DCAF8L2: variants seen among roughly 807,000 people sequenced by gnomAD.
The protein encoded by DCAF8L2 is DDB1- and CUL4-associated factor 8-like protein 2.
For synonymous variants in DCAF8L2, 200 were observed against 190.9 expected, an observed-to-expected ratio of 1.05 and a Z score of -0.39; for missense variants, 430 against 490.7, an observed-to-expected ratio of 0.88 and a Z score of 1.17.
intron 4 of DCAF8L2, among the ~76,000 whole-genome samples, chrX:27,739,088 G>C (rs976935599): frequency 9.1e-6 from 1 of 110,197 alleles, no homozygotes; most frequent in Non-Finnish European, 1.9e-5. Context: ...ATATGACATC[G>C]TGTGATAAAT....
the DCAF8L2 span, among the ~76,000 whole-genome samples, chrX:27,569,540 T>A: frequency 8.9e-6 from 1 of 112,344 alleles, no homozygotes; most frequent in African/African-American, 3.2e-5. Context: ...TTTGGCAAGA[T>A]CCATACACTT....
At chrX:27,666,218 CTT>C (rs1396746252) in intron 2 of DCAF8L2, among the ~76,000 whole-genome samples, 1 of 111,951 alleles carries the variant, frequency 8.9e-6, no homozygotes, top group Non-Finnish European at 1.9e-5. Flanking sequence ...AGAAACCAGT[CTT>C]TTCTTAAATT....
chrX:27,519,669 C>T, the DCAF8L2 span: 3,011 of 599,837 alleles, frequency 5.0e-3, 8 homozygotes, highest in Non-Finnish European at 6.9e-3. Context: ...ACCATAGAAG[C>T]GAGGAAGAAC....
At chrX:27,498,366 A>G in the DCAF8L2 span, among the ~76,000 whole-genome samples, 1 of 112,389 alleles carries the variant, frequency 8.9e-6, no homozygotes, top group Admixed American at 9.4e-5. Context: ...TGCTTGGATA[A>G]TGGCTATGCT....
intron 1 of DCAF8L2, among the ~76,000 whole-genome samples, chrX:27,592,412 T>TTTTTG (rs1215724784): frequency 4.4e-5 from 2 of 45,629 alleles, no homozygotes; most frequent in African/African-American, 1.7e-4. Context: ...TTTTTGTTTG[T>TTTTTG]TTTTGTTTTT....
chrX:27,631,022 A>T (rs751955463), intron 1 of DCAF8L2, among the ~76,000 whole-genome samples: 1 of 111,667 alleles, frequency 9.0e-6, no homozygotes, highest in East Asian at 2.8e-4. Context: ...CAACATATGA[A>T]ATTTGGGGAG....
the DCAF8L2 span, among the ~76,000 whole-genome samples, chrX:27,520,218 G>A: frequency 9.0e-6 from 1 of 111,493 alleles, no homozygotes; most frequent in Non-Finnish European, 1.9e-5. Flanking sequence ...TTGATTTCAA[G>A]GTTTGATTTT....
chrX:27,577,217 A>C, the DCAF8L2 span, among the ~76,000 whole-genome samples: 1 of 112,232 alleles, frequency 8.9e-6, no homozygotes, highest in African/African-American at 3.2e-5. Context: ...AAAGGAAGTC[A>C]ATTACAATTA....
chrX:27,519,370 CA>C, the DCAF8L2 span: 1 of 1,154,245 alleles, frequency 8.7e-7, no homozygotes. Context: ...CGTAGCAAAA[CA>C]AGCTGCCGAC....
chrX:27,488,517 C>CTGTGTGTGTGTG, the DCAF8L2 span, among the ~76,000 whole-genome samples: 11 of 80,490 alleles, frequency 1.4e-4, no homozygotes, highest in East Asian at 4.2e-4. Context: ...AAAATTACCT[C>CTGTGTGTGTGTG]TGTGTGTGTG....
the DCAF8L2 span, among the ~76,000 whole-genome samples, chrX:27,491,024 A>G: frequency 3.6e-5 from 4 of 112,261 alleles, no homozygotes; most frequent in Non-Finnish European, 7.5e-5. Flanking sequence ...ATTACCTGTT[A>G]GGAGCTTTGC....
chrX:27,473,560 C>T, the DCAF8L2 span, among the ~76,000 whole-genome samples: 2 of 110,936 alleles, frequency 1.8e-5, no homozygotes, highest in Non-Finnish European at 3.8e-5. Context: ...AAGTTAAGTG[C>T]GTGTCTTCCC....
intron 3 of DCAF8L2, among the ~76,000 whole-genome samples, chrX:27,704,950 T>C (rs1003734983): frequency 9.0e-6 from 1 of 110,879 alleles, no homozygotes; most frequent in Non-Finnish European, 1.9e-5. Context: ...TTCTTTCTGA[T>C]CCTCTCCCTC....
chrX:27,708,989 G>A (rs1300906330), intron 3 of DCAF8L2, among the ~76,000 whole-genome samples: 1 of 111,841 alleles, frequency 8.9e-6, no homozygotes, highest in African/African-American at 3.3e-5. Context: ...GCGTGATCTC[G>A]GCTCACCACA....
intron 1 of DCAF8L2, among the ~76,000 whole-genome samples, chrX:27,615,160 A>C (rs1043245350): frequency 6.3e-5 from 7 of 111,560 alleles, no homozygotes; most frequent in Non-Finnish European, 1.3e-4. Flanking sequence ...TAGTGCTGTT[A>C]CTCTAAAAAG....
At chrX:27,542,734 G>C in the DCAF8L2 span, among the ~76,000 whole-genome samples, 1 of 107,469 alleles carries the variant, frequency 9.3e-6, no homozygotes, top group African/African-American at 3.4e-5. Context: ...AGTAGAGACG[G>C]GGTTTCACCG....
the DCAF8L2 span, among the ~76,000 whole-genome samples, chrX:27,526,470 A>T: frequency 8.9e-6 from 1 of 112,222 alleles, no homozygotes; most frequent in Non-Finnish European, 1.9e-5. Flanking sequence ...ATGGGTTCGA[A>T]CTTCCTCCTT....
At position 27,617,845 on chromosome X, in the gene DCAF8L2, A is replaced by G. The variant is rs1175605243; in HGVS notation, c.-341-14034A>G. 2.7e-5 allele frequency among the ~76,000 whole-genome samples: 3 copies of G among 111,880 alleles called. No homozygotes were observed. The East Asian group carries it at 8.4e-4, about 31-fold the overall frequency. On this transcript the variant is annotated intron_variant, in intron 1 of 4. Coordinates refer to ENST00000451261, the MANE Select transcript of DCAF8L2 (RefSeq NM_001353450.2). ...CTTTATGGGACAGAGGAACTAGATA[A>G]TTATGTCTAGAGATGTTTATTGAAA...
At chrX:27,595,115 C>T (rs931204468) in intron 1 of DCAF8L2, among the ~76,000 whole-genome samples, 2 of 110,944 alleles carry the variant, frequency 1.8e-5, no homozygotes, top group African/African-American at 6.6e-5. Context: ...CAGAAAGCTC[C>T]AGGACTCAGT....
Sources: allele counts gnomAD v4.1 joint callset (sites outside exome capture counted in the v4.1 genomes callset), GRCh38; gene constraint gnomAD v4.1.1; transcripts MANE v1.5; gene names NCBI Gene and HGNC (gene_info 2026-07-23, HGNC 2026-07-21).